RPIA: variants seen among roughly 807,000 people sequenced by gnomAD.
RPIA encodes the protein ribose 5-phosphate isomerase A, also known as ribose-5-phosphate isomerase.
A neutral mutation model predicts 37.8 loss-of-function variants in RPIA; 29 were observed. That is an observed-to-expected ratio of 0.77 (90% confidence interval 0.57 to 1.05). The LOEUF (loss-of-function observed/expected upper bound fraction) is 1.05. Among genes scored for constraint, RPIA ranks in the 50% least tolerant of loss-of-function variants. The pLI is 0.00. For missense variants in RPIA, 385 were observed against 413.6 expected (o/e 0.93, Z 0.60); for synonymous variants, 167 against 157.0 (o/e 1.06, Z -0.48).
At chr2:88,727,344 C>T (rs1453316078) in intron 3 of RPIA, among the ~76,000 whole-genome samples, 1 of 152,198 alleles carries the variant, frequency 6.6e-6, no homozygotes, top group Non-Finnish European at 1.5e-5. Flanking sequence ...GGCCACTTTC[C>T]AATGTTTTTG....
chr2:88,709,551 C>G (rs1476143568), intron 3 of RPIA, among the ~76,000 whole-genome samples: 2 of 152,166 alleles, frequency 1.3e-5, no homozygotes, highest in East Asian at 3.8e-4. Context: ...TCTGAGGTCC[C>G]TAGTGAGTGA....
intron 3 of RPIA, among the ~76,000 whole-genome samples, chr2:88,717,352 T>C (rs1420518808): frequency 1.3e-5 from 2 of 152,200 alleles, no homozygotes; most frequent in African/African-American, 4.8e-5. Flanking sequence ...AGTTTGGTTT[T>C]ATACCTTTTA....
chr2:88,722,971 A>G (rs1673152670), intron 3 of RPIA, among the ~76,000 whole-genome samples: 1 of 152,236 alleles, frequency 6.6e-6, no homozygotes, highest in Non-Finnish European at 1.5e-5. Flanking sequence ...GACAGGAAGC[A>G]AACAGAAACC....
At chr2:88,709,867 TTAA>T in intron 3 of RPIA, among the ~76,000 whole-genome samples, 1 of 152,358 alleles carries the variant, frequency 6.6e-6, no homozygotes, top group South Asian at 2.1e-4. Flanking sequence ...TCCAGGAATC[TTAA>T]TAATAGCCCC....
intron 3 of RPIA, among the ~76,000 whole-genome samples, chr2:88,711,705 G>A (rs1453026614): frequency 6.6e-6 from 1 of 152,152 alleles, no homozygotes; most frequent in African/African-American, 2.4e-5. Context: ...AGCTTTACTG[G>A]GCTATTTCAA....
At chr2:88,709,381 A>G (rs1027034401) in intron 3 of RPIA, among the ~76,000 whole-genome samples, 3 of 152,238 alleles carry the variant, frequency 2.0e-5, no homozygotes, top group African/African-American at 7.2e-5. Flanking sequence ...TCCACTTGCC[A>G]GATATCAGAA....
intron 3 of RPIA, among the ~76,000 whole-genome samples, chr2:88,721,572 C>CACACA (rs781291708): frequency 4.4e-4 from 7 of 16,058 alleles, no homozygotes; most frequent in Admixed American, 9.3e-4. Flanking sequence ...CACACACACA[C>CACACA]CCCCCCCCCC....
At chr2:88,709,988 G>A (rs949616092) in intron 3 of RPIA, among the ~76,000 whole-genome samples, 1 of 152,154 alleles carries the variant, frequency 6.6e-6, no homozygotes, top group Non-Finnish European at 1.5e-5. Context: ...TCTAAAAGGT[G>A]CTATCAAAAC....
At chr2:88,705,499 T>C (rs112945605) in intron 3 of RPIA, among the ~76,000 whole-genome samples, 134 of 152,168 alleles carry the variant, frequency 8.8e-4, no homozygotes, top group African/African-American at 3.1e-3. Context: ...GAGAACTGGC[T>C]AACCATATGC....
intron 3 of RPIA, among the ~76,000 whole-genome samples, chr2:88,720,666 T>TCTA (rs1673109452): frequency 6.6e-6 from 1 of 151,352 alleles, no homozygotes; most frequent in Non-Finnish European, 1.5e-5. Context: ...AGTTATGAGA[T>TCTA]ACCATCTCAC....
chr2:88,709,737 T>C lies in RPIA; in HGVS notation c.402+9673T>C, dbSNP rs568514120. 1.7e-3 allele frequency among the ~76,000 whole-genome samples: 261 copies of C among 152,318 alleles called. 2 individuals carry two copies. The highest frequency in any genetic ancestry group is 6.2e-3 in the African/African-American group (257 of 41,576). Reference sequence around the variant, plus strand: ...TGAGCCACTTGGAGTTGTTTTTCAATGGAACTCATTTAAAAAAAATATAGC... The same window carrying C: ...TGAGCCACTTGGAGTTGTTTTTCAACGGAACTCATTTAAAAAAAATATAGC... On this transcript the variant is annotated intron_variant, in intron 3 of 8. Transcript: ENST00000283646.
intron 8 of RPIA, among the ~76,000 whole-genome samples, chr2:88,740,737 T>A (rs1475571021): frequency 6.6e-6 from 1 of 152,198 alleles, no homozygotes; most frequent in Non-Finnish European, 1.5e-5. Flanking sequence ...ATCTCAGTAA[T>A]TGAAAGAGAA....
chr2:88,726,532 A>G (rs7586572), intron 3 of RPIA, among the ~76,000 whole-genome samples: 75,442 of 151,900 alleles, frequency 0.5, 20,238 homozygotes, highest in African/African-American at 0.71. Flanking sequence ...TGCATGGAGA[A>G]TGTGTGTTAC....
intron 3 of RPIA, among the ~76,000 whole-genome samples, chr2:88,713,354 C>T (rs1672987795): frequency 2.0e-5 from 3 of 151,636 alleles, no homozygotes; most frequent in African/African-American, 7.3e-5. Flanking sequence ...GACTTTTCCT[C>T]AGTCATCATT....
At chr2:88,720,174 A>T (rs991605310) in intron 3 of RPIA, among the ~76,000 whole-genome samples, 1 of 152,178 alleles carries the variant, frequency 6.6e-6, no homozygotes, top group African/African-American at 2.4e-5. Context: ...CTGTAACTTA[A>T]TGTTACAAGA....
intron 3 of RPIA, among the ~76,000 whole-genome samples, chr2:88,714,625 A>G (rs1673010200): frequency 6.6e-6 from 1 of 152,040 alleles, no homozygotes; most frequent in South Asian, 2.1e-4. Context: ...AGGCTGCCCC[A>G]TTTCTTTTTG....
At chr2:88,729,411 C>T in intron 4 of RPIA, 74 bp downstream of exon 4, 1 of 1,346,282 alleles carries the variant, frequency 7.4e-7, no homozygotes, top group Non-Finnish European at 1.1e-6. Context: ...TGTTCATGGG[C>T]TCCAGATATC....
intron 3 of RPIA, among the ~76,000 whole-genome samples, chr2:88,726,476 C>T (rs1389318821): frequency 6.6e-6 from 1 of 151,922 alleles, no homozygotes; most frequent in Non-Finnish European, 1.5e-5. Context: ...GCTGGACACC[C>T]CTGATTTAAG....
At chr2:88,733,769 G>C (rs1673280501) in intron 4 of RPIA, among the ~76,000 whole-genome samples, 1 of 152,208 alleles carries the variant, frequency 6.6e-6, no homozygotes, top group Non-Finnish European at 1.5e-5. Flanking sequence ...ACTACTTGCT[G>C]TCTTTAAAAA....
Sources: allele counts gnomAD v4.1 joint callset (sites outside exome capture counted in the v4.1 genomes callset), GRCh38; gene constraint gnomAD v4.1.1; transcripts MANE v1.5; gene names NCBI Gene and HGNC (gene_info 2026-07-23, HGNC 2026-07-21).